ZNF486: variants seen among roughly 807,000 people sequenced by gnomAD.
The protein encoded by ZNF486 is zinc finger protein 486, also known as KRAB box only protein 2.
ZNF486 carries 12 observed loss-of-function variants against 12.8 expected under a neutral mutation model. The ratio of observed to expected loss-of-function variants is 0.94; its 90% CI spans 0.60 to 1.52. ZNF486 has a LOEUF of 1.52. Ranked by LOEUF, ZNF486 falls within the 40% of genes most tolerant of loss-of-function variation. ZNF486 has a pLI of 0.00. For missense variants in ZNF486, 738 were observed against 545.0 expected (o/e 1.35, Z -3.53); for synonymous variants, 231 against 184.9 (o/e 1.25, Z -2.02).
chr19:20,190,557 T>G lies in ZNF486; in HGVS notation c.253+4475T>G, dbSNP rs28402094. ...GTACTACCATGTCTGCCTAATTGTT[T>G]GCTTGTTTGCAGTGTTAGGATCTCA... is the stretch of plus-strand genomic sequence containing the variant. On this transcript the variant is annotated intron_variant, in intron 3 of 3. Transcript: ENST00000335117. 6.3e-3 allele frequency among the ~76,000 whole-genome samples: 963 copies of G among 152,298 alleles called. 7 individuals are homozygous for G. The highest frequency in any genetic ancestry group is 0.022 in the African/African-American group (916 of 41,550).
chr19:20,173,751 G>A (rs2089675477), intron 1 of ZNF486, among the ~76,000 whole-genome samples: 1 of 151,862 alleles, frequency 6.6e-6, no homozygotes, highest in Non-Finnish European at 1.5e-5. Flanking sequence ...AGAATGGCGT[G>A]AACATGGGAG....
chr19:20,196,805 T>C (rs1233704256), intron 3 of ZNF486, among the ~76,000 whole-genome samples, 159 bp from the exon 4 acceptor site: 1 of 151,860 alleles, frequency 6.6e-6, no homozygotes, highest in Non-Finnish European at 1.5e-5. Flanking sequence ...GGTCAGTATG[T>C]TTTTGTTACC....
chr19:20,180,687 C>A (rs1348643467), intron 1 of ZNF486, among the ~76,000 whole-genome samples: 2 of 152,186 alleles, frequency 1.3e-5, no homozygotes, highest in African/African-American at 2.4e-5. Context: ...GATTCTCCTG[C>A]CTCAGCCTCC....
intron 3 of ZNF486, among the ~76,000 whole-genome samples, chr19:20,189,392 G>A (rs550004285): frequency 6.6e-6 from 1 of 152,250 alleles, no homozygotes; most frequent in East Asian, 1.9e-4. Flanking sequence ...TTTGTAAATA[G>A]ATATAATAAG....
rs112723967 is a variant in ZNF486, at chr19:20,196,968, G to A, written c.258G>A (p.Val86=). The A allele has an allele frequency of 0.044, 67,142 of 1,542,274 alleles. 2,162 individuals carry two copies. Among genetic ancestry groups the A allele is most frequent in the African/African-American group, 0.16 (11,660 of 71,862 alleles). Reference sequence around the variant, plus strand: ...TGTTTTTATTGTTTCTTTCAGTTGTGTGTTCTCATTTTGCCCAAGACCTTT... The same window carrying A: ...TGTTTTTATTGTTTCTTTCAGTTGTATGTTCTCATTTTGCCCAAGACCTTT... ...RHEMIAKPPV[V]CSHFAQDLWP... Residue 86 remains valine, a synonymous_variant, in exon 4 of 4, where the codon GTG becomes GTA. Coordinates refer to ENST00000335117, the MANE Select transcript of ZNF486 (RefSeq NM_052852.4).
intron 3 of ZNF486, among the ~76,000 whole-genome samples, chr19:20,190,711 G>A (rs1425910255): frequency 6.6e-6 from 1 of 152,158 alleles, no homozygotes; most frequent in African/African-American, 2.4e-5. Context: ...ATAAAACTTG[G>A]TATGTGTCCT....
chr19:20,168,089 C>T (rs2089604944), intron 1 of ZNF486, among the ~76,000 whole-genome samples: 1 of 152,140 alleles, frequency 6.6e-6, no homozygotes, highest in African/African-American at 2.4e-5. Context: ...TGGTCGGGCG[C>T]GGTGGCTCAC....
intron 1 of ZNF486, among the ~76,000 whole-genome samples, chr19:20,182,233 CTTG>C (rs1456193889): frequency 5.9e-5 from 9 of 152,156 alleles, no homozygotes; most frequent in African/African-American, 1.9e-4. Flanking sequence ...TGACAGGGGA[CTTG>C]TTTAAAACAC....
intron 3 of ZNF486, chr19:20,188,457 G>T (rs1338810341): frequency 1.5e-5 from 6 of 398,386 alleles, no homozygotes; most frequent in African/African-American, 8.2e-5. Context: ...GCCAACACAG[G>T]AGGATCCCTG....
At chr19:20,178,446 TGTTA>T (rs1435301814) in intron 1 of ZNF486, among the ~76,000 whole-genome samples, 8 of 152,050 alleles carry the variant, frequency 5.3e-5, no homozygotes, top group African/African-American at 1.9e-4. Context: ...GGTTTCACTG[TGTTA>T]GTTAGATGGT....
At chr19:20,169,485 C>G (rs959789628) in intron 1 of ZNF486, among the ~76,000 whole-genome samples, 2 of 152,140 alleles carry the variant, frequency 1.3e-5, no homozygotes, top group Non-Finnish European at 2.9e-5. Context: ...GCTCACCCCA[C>G]CCATGGAAGG....
chr19:20,192,135 G>A (rs113138770), intron 3 of ZNF486, among the ~76,000 whole-genome samples: 12,032 of 151,774 alleles, frequency 0.079, 735 homozygotes, highest in African/African-American at 0.18. Flanking sequence ...TAATATAATT[G>A]TGACCACCTC....
chr19:20,173,762 G>A lies in ZNF486; in HGVS notation c.30+6402G>A, dbSNP rs539553880. On this transcript the variant is annotated intron_variant, in intron 1 of 3. Transcript: ENST00000335117. ...CAGGAGAATGGCGTGAACATGGGAG[G>A]TGGGGCTTGCAGTGAGCTGAGATAG... Among the ~76,000 whole-genome samples the A allele has an allele frequency of 5.8e-4, 89 of 152,142 alleles. 1 individual carries two copies. In the South Asian group the frequency reaches 0.018, roughly 31 times the overall value.
intron 3 of ZNF486, among the ~76,000 whole-genome samples, chr19:20,193,603 G>T (rs2089924270): frequency 6.6e-6 from 1 of 152,056 alleles, no homozygotes; most frequent in Non-Finnish European, 1.5e-5. Flanking sequence ...GGACGTTGCA[G>T]TGAGCCAAGG....
At position 20,187,769 on chromosome 19, in the gene ZNF486, C is replaced by T. The variant is rs1216692913; in HGVS notation, c.253+1687C>T. Among the ~76,000 whole-genome samples, 3 of 152,192 alleles carry T rather than the reference C, an allele frequency of 2.0e-5. No homozygotes were observed. The East Asian group carries it at 5.8e-4, about 29-fold the overall frequency. On this transcript the variant is annotated intron_variant, in intron 3 of 3. Coordinates refer to ENST00000335117, the MANE Select transcript of ZNF486 (RefSeq NM_052852.4). ...CCATCCGCCTCGGCCTCCCAAAGTG[C>T]TGGGATTACAGGTGTGAGCCACCAC...
chr19:20,173,560 G>T (rs1178950901), intron 1 of ZNF486, among the ~76,000 whole-genome samples: 1 of 152,154 alleles, frequency 6.6e-6, no homozygotes, highest in Non-Finnish European at 1.5e-5. Context: ...GCCAGGTGTG[G>T]TGGCTCATGC....
chr19:20,170,617 G>A (rs146506024), intron 1 of ZNF486, among the ~76,000 whole-genome samples: 84 of 151,806 alleles, frequency 5.5e-4, no homozygotes, highest in African/African-American at 1.7e-3. Flanking sequence ...ATATTCAGCT[G>A]ATTTTTCTAA....
At chr19:20,179,484 T>G (rs1303192747) in intron 1 of ZNF486, among the ~76,000 whole-genome samples, 2 of 152,214 alleles carry the variant, frequency 1.3e-5, no homozygotes, top group East Asian at 3.8e-4. Context: ...ATGTCACCTT[T>G]TTTTTAAATG....
chr19:20,190,313 C>T (rs1555717018), intron 3 of ZNF486, among the ~76,000 whole-genome samples: 1 of 152,094 alleles, frequency 6.6e-6, no homozygotes, highest in Non-Finnish European at 1.5e-5. Flanking sequence ...GCCAATTTAC[C>T]TTTTGCTTTT....
Sources: gnomAD v4.1 joint callset for allele counts (sites outside exome capture counted in the v4.1 genomes callset) on GRCh38, gnomAD v4.1.1 for gene constraint, MANE v1.5 for transcripts, NCBI Gene and HGNC (gene_info 2026-07-23, HGNC 2026-07-21) for gene names.